The following PUDP variants were observed in gnomAD, a reference collection of about 807,000 sequenced individuals.
PUDP encodes pseudouridine 5'-phosphatase, also known as pseudouridine-5'-phosphatase.
A neutral mutation model predicts 9.4 loss-of-function variants in PUDP; 8 were observed. That is an observed-to-expected ratio of 0.85 (90% CI 0.50 to 1.53). PUDP has a LOEUF of 1.53. Among genes scored for constraint, PUDP ranks in the 40% most tolerant of loss-of-function variants. The pLI is 0.00. For synonymous variants in PUDP, 99 were observed against 80.7 expected (o/e 1.23, Z -1.22); for missense variants, 188 against 189.7 (o/e 0.99, Z 0.05).
intron 3 of PUDP, among the ~76,000 whole-genome samples, chrX:7,074,874 T>G (rs768938543): frequency 8.9e-6 from 1 of 112,416 alleles, no homozygotes; most frequent in African/African-American, 3.2e-5. Flanking sequence ...CAGCCTTGAC[T>G]CTCTGACTTA....
At chrX:7,054,599 G>A (rs2146840353) in intron 3 of PUDP, among the ~76,000 whole-genome samples, 1 of 111,192 alleles carries the variant, frequency 9.0e-6, no homozygotes. Context: ...TATTCTAAAA[G>A]GTCAAAAGTA....
intron 1 of PUDP, among the ~76,000 whole-genome samples, chrX:7,124,879 C>T (rs968887433): frequency 3.7e-4 from 41 of 109,432 alleles, no homozygotes; most frequent in Non-Finnish European, 7.0e-4. Context: ...ACCCAGGAGG[C>T]GGAGCTTGCA....
chrX:6,816,924 A>T (rs1926252852), intron 3 of PUDP, among the ~76,000 whole-genome samples: 1 of 95,071 alleles, frequency 1.1e-5, no homozygotes, highest in African/African-American at 3.9e-5. Context: ...AGTATATATA[A>T]TATATATACA....
At chrX:6,784,605 G>C (rs1435105169) in intron 3 of PUDP, among the ~76,000 whole-genome samples, 1 of 111,786 alleles carries the variant, frequency 8.9e-6, no homozygotes, top group Non-Finnish European at 1.9e-5. Flanking sequence ...GTCTCACTCA[G>C]CATCTGAGGG....
intron 3 of PUDP, among the ~76,000 whole-genome samples, chrX:6,909,295 A>G (rs1927814273): frequency 8.9e-6 from 1 of 111,982 alleles, no homozygotes; most frequent in Admixed American, 9.5e-5. Context: ...TTTGAAATTC[A>G]AAGATTTCTT....
At chrX:6,731,685 A>T (rs1407155117) in intron 3 of PUDP, among the ~76,000 whole-genome samples, 1 of 104,951 alleles carries the variant, frequency 9.5e-6, no homozygotes, top group Non-Finnish European at 1.9e-5. Flanking sequence ...TGTTTCTAGT[A>T]GCAGAAGCTG....
intron 3 of PUDP, among the ~76,000 whole-genome samples, chrX:6,727,771 C>T (rs1924757170): frequency 9.0e-6 from 1 of 111,630 alleles, no homozygotes; most frequent in African/African-American, 3.3e-5. Context: ...AGCTAGGCAC[C>T]CTCAGAGAGG....
intron 2 of PUDP, among the ~76,000 whole-genome samples, chrX:7,088,156 T>C (rs1931320155): frequency 8.9e-6 from 1 of 112,340 alleles, no homozygotes; most frequent in Admixed American, 9.4e-5. Flanking sequence ...CAAAGTAATA[T>C]AGAGAGTAAT....
intron 1 of PUDP, among the ~76,000 whole-genome samples, chrX:7,014,381 T>G (rs1190827552): frequency 3.6e-5 from 4 of 110,780 alleles, no homozygotes; most frequent in Non-Finnish European, 7.5e-5. Context: ...ATTTCATGAA[T>G]GTGTGGTCAC....
chrX:6,707,723 G>A (rs1397810353), intron 1 of PUDP, among the ~76,000 whole-genome samples: 2 of 111,752 alleles, frequency 1.8e-5, no homozygotes, highest in Admixed American at 1.9e-4. Flanking sequence ...TCACTAGCCC[G>A]CCACTCATCT....
chrX:6,938,628 T>TAAA (rs147992433), intron 3 of PUDP, among the ~76,000 whole-genome samples: 1 of 98,709 alleles, frequency 1.0e-5, no homozygotes. Context: ...GAACTTAAAT[T>TAAA]AAAAAAAAAA....
chrX:7,076,113 A>G (rs1930891319), intron 3 of PUDP, among the ~76,000 whole-genome samples: 1 of 111,748 alleles, frequency 8.9e-6, no homozygotes, highest in Admixed American at 9.5e-5. Flanking sequence ...TCAAGGTAGT[A>G]AGTTGCACCC....
intron 2 of PUDP, among the ~76,000 whole-genome samples, chrX:7,098,722 C>T (rs1931642588): frequency 9.0e-6 from 1 of 111,336 alleles, no homozygotes. Context: ...GGCACCCATC[C>T]ACGACTCTCC....
At chrX:6,753,323 T>C (rs186854658) in intron 3 of PUDP, among the ~76,000 whole-genome samples, 314 of 112,693 alleles carry the variant, frequency 2.8e-3, no homozygotes, top group Non-Finnish European at 4.8e-3. Flanking sequence ...TATGGCTGAG[T>C]AGTATTCCAT....
chrX:6,970,841 G>C (rs1272032957), intron 3 of PUDP, among the ~76,000 whole-genome samples: 3 of 110,416 alleles, frequency 2.7e-5, no homozygotes, highest in Non-Finnish European at 5.7e-5. Flanking sequence ...AGGTGGGTGG[G>C]AGTTTAGGAG....
At chrX:6,945,264 A>G (rs377689493) in intron 3 of PUDP, among the ~76,000 whole-genome samples, 24 of 111,723 alleles carry the variant, frequency 2.1e-4, no homozygotes, top group African/African-American at 7.8e-4. Flanking sequence ...AGGATCCAGA[A>G]GCTCCTAGAC....
chrX:6,845,447 C>T (rs1301824596), intron 3 of PUDP, among the ~76,000 whole-genome samples: 7 of 111,944 alleles, frequency 6.3e-5, no homozygotes, highest in Non-Finnish European at 1.1e-4. Flanking sequence ...CAATCAACCT[C>T]GCAGTCCATT....
intron 1 of PUDP, among the ~76,000 whole-genome samples, chrX:7,144,255 C>G (rs140060145): frequency 2.7e-5 from 3 of 112,139 alleles, no homozygotes; most frequent in African/African-American, 9.7e-5. Flanking sequence ...TTGTCAGCTG[C>G]ACTTTTAAAC....
At chrX:6,814,364 T>C (rs981571064) in intron 3 of PUDP, among the ~76,000 whole-genome samples, 13 of 111,566 alleles carry the variant, frequency 1.2e-4, no homozygotes, top group African/African-American at 4.2e-4. Flanking sequence ...TTTCAGAAGA[T>C]TCTTTCAACT....
Sources: gnomAD v4.1 joint callset for allele counts (sites outside exome capture counted in the v4.1 genomes callset) on GRCh38, gnomAD v4.1.1 for gene constraint, MANE v1.5 for transcripts, NCBI Gene and HGNC (gene_info 2026-07-23, HGNC 2026-07-21) for gene names.